Variants in MMP9 observed in about 807,000 individuals in gnomAD.
MMP9 encodes matrix metallopeptidase 9, also known as matrix metalloproteinase-9.
A neutral mutation model predicts 76.4 loss-of-function variants in MMP9; 73 were observed. The ratio of observed to expected loss-of-function variants is 0.96; its 90% CI spans 0.79 to 1.16. The LOEUF (loss-of-function observed/expected upper bound fraction) is 1.16, where lower values mean the gene tolerates loss of function less well. Ranked by LOEUF, MMP9 falls within the 50% of genes most tolerant of loss-of-function variation. MMP9 has a pLI of 0.00. For missense variants in MMP9, 943 were observed against 973.0 expected, an observed-to-expected ratio of 0.97 and a Z score of 0.41; for synonymous variants, 412 against 408.4, an observed-to-expected ratio of 1.01 and a Z score of -0.11.
Position 46,013,098 on chromosome 20 carries a change from G to A in MMP9, c.1331-157G>A, listed in dbSNP as rs959558355. ...AGAGGATGTCGCTTAAAACGAAAAAGAAGAAGAAGAAAGTCCTGTGGTTTG... is the reference window on the plus strand; with the variant it reads ...AGAGGATGTCGCTTAAAACGAAAAAAAAGAAGAAGAAAGTCCTGTGGTTTG... On this transcript the variant is annotated intron_variant, in intron 8 of 12. Transcript: ENST00000372330. The surrounding 1 kb of genome is among the most constrained non-coding windows in gnomAD (Gnocchi z 4.5). Among the ~76,000 whole-genome samples, 1 of 145,476 alleles carries A rather than the reference G, an allele frequency of 6.9e-6. No homozygotes were observed. The highest frequency in any genetic ancestry group is 6.8e-5 in the Admixed American group (1 of 14,714).
Position 46,010,029 on chromosome 20 carries a change from T to TC in MMP9, c.305dup (p.Asp103ArgfsTer9), listed in dbSNP as rs1396858602. 4 of 1,550,644 alleles carry TC rather than the reference T, an allele frequency of 2.6e-6. No homozygotes were observed. The highest frequency in any genetic ancestry group is 3.5e-6 in the Non-Finnish European group (4 of 1,146,636). On this transcript the variant is annotated frameshift_variant, in exon 2 of 13. Coordinates refer to ENST00000372330, the MANE Select transcript of MMP9 (RefSeq NM_004994.3). LOFTEE classifies it high-confidence loss of function. ...GCCATGCGAACCCCACGGTGCGGGG[T>TC]CCCAGACCTGGGCAGATTCCAAACC...
At chr20:46,010,126 GT>G in intron 2 of MMP9, 28 bp downstream of exon 2, 4 of 1,501,888 alleles carry the variant, frequency 2.7e-6, no homozygotes, top group Non-Finnish European at 2.7e-6. Context: ...GGGCAGCGGG[GT>G]GGGGCGGGGA....
Position 46,014,242 on chromosome 20 carries a change from G to T in MMP9, c.1869G>T (p.Lys623Asn), listed in dbSNP as rs2084305034. ...GGGCCCTCCGGAGTGGCAGGGGGAA[G>T]ATGCTGCTGTTCAGCGGGCGGCGCC... Reference protein sequence around the residue: ...VTGALRSGRGKMLLFSGRRLW... With the variant: ...VTGALRSGRGNMLLFSGRRLW... The change falls in exon 11 of 13, where the codon AAG becomes AAT. Residue 623 changes from lysine to asparagine, a missense_variant. Coordinates refer to ENST00000372330, the MANE Select transcript of MMP9 (RefSeq NM_004994.3). 2.0e-6 allele frequency: 3 copies of T among 1,531,276 alleles called. No homozygotes were observed. In the South Asian group the frequency reaches 3.6e-5, roughly 18 times the overall value. The allele number at this position is 1,531,276 out of a possible 1,614,324, so 94.9% of individuals were successfully genotyped here. A position where few individuals can be genotyped will look rare whatever the true frequency, so the allele number is the denominator to read the frequency against.
In MMP9 at chr20:46,016,285, C is replaced by T. The variant is rs771094559; in HGVS notation, c.2041C>T (p.Arg681Cys). Residue 681 changes from arginine to cysteine, a missense_variant, in exon 13 of 13, where the codon CGC (arginine) becomes TGC (cysteine). Arg to Cys is a radical substitution (Grantham distance 180, BLOSUM62 -3). Transcript: ENST00000372330. ...TTTCTGCCAGGACCGCTTCTACTGG[C>T]GCGTGAGTTCCCGGAGTGAGTTGAA... is the stretch of plus-strand genomic sequence containing the variant. ...AYFCQDRFYWRVSSRSELNQV... is the reference protein window; with the variant it reads ...AYFCQDRFYWCVSSRSELNQV... The T allele has an allele frequency of 1.5e-5, 25 of 1,614,110 alleles. No individual in the cohort carries two copies. The highest frequency in any genetic ancestry group is 1.6e-4 in the Middle Eastern group (1 of 6,084).
intron 1 of MMP9, 41 bp from the exon 2 acceptor site, chr20:46,009,824 AG>A: frequency 6.6e-7 from 1 of 1,522,700 alleles, no homozygotes. Context: ...GGGCAGAGAA[AG>A]GGGTCAGAGA....
chr20:46,009,860 C>A lies in MMP9; in HGVS notation c.139-6C>A. 2 of 1,550,576 alleles carry A rather than the reference C, an allele frequency of 1.3e-6. No homozygotes were observed. Among genetic ancestry groups the A allele is most frequent in the Non-Finnish European group, 8.7e-7 (1 of 1,145,892 alleles). On this transcript the variant is annotated splice_region_variant and splice_polypyrimidine_tract_variant and intron_variant, in intron 1 of 12. Coordinates refer to ENST00000372330, the MANE Select transcript of MMP9 (RefSeq NM_004994.3). ...ATCTGGCATGTGTGTGTCCCTTCATCCACAGGAATACCTGTACCGCTATGG... is the reference window on the plus strand; with the variant it reads ...ATCTGGCATGTGTGTGTCCCTTCATACACAGGAATACCTGTACCGCTATGG...
rs1555856969 is a variant in MMP9 at position 46,010,333 on chromosome 20, A to AACAAAAAAAACAAAAAAAAC, written c.372-149_372-148insCAAAAAAAACAAAAAAAACA. 3 of 827,552 alleles carry AACAAAAAAAACAAAAAAAAC rather than the reference A, an allele frequency of 3.6e-6. 1 individual carries two copies. The African/African-American group carries it at 6.6e-5, about 18-fold the overall frequency. The allele number at this position is 827,552 out of a possible 1,614,324, so 51.3% of individuals were successfully genotyped here. A position where few individuals can be genotyped will look rare whatever the true frequency, so the allele number is the denominator to read the frequency against. The stretch of plus-strand genomic sequence containing the variant: ...GGGTCTAAGTAGACAAAAAAAAAAA[A>AACAAAAAAAACAAAAAAAAC]AAAAAAAACAGTCTGGAAGCAATTT... On this transcript the variant is annotated intron_variant, in intron 2 of 12. Coordinates refer to ENST00000372330, the MANE Select transcript of MMP9 (RefSeq NM_004994.3).
Position 46,013,429 on chromosome 20 carries a change from C to T in MMP9, c.1505C>T (p.Ser502Phe). The T allele has an allele frequency of 6.2e-7, 1 of 1,614,028 alleles. No individual in the cohort carries two copies. Among genetic ancestry groups the T allele is most frequent in the Non-Finnish European group, 8.5e-7 (1 of 1,179,946 alleles). ...ACAGGTCCCCCCACTGCTGGCCCTT[C>T]TACGGCCACTACTGTGCCTTTGAGT... ...GPTGPPTAGPSTATTVPLSPV... is the reference protein window; with the variant it reads ...GPTGPPTAGPFTATTVPLSPV... Residue 502 changes from serine (S) to phenylalanine (F), a missense_variant, in exon 9 of 13, where the codon TCT (serine) becomes TTT (phenylalanine). Coordinates refer to ENST00000372330, the MANE Select transcript of MMP9 (RefSeq NM_004994.3). The surrounding 1 kb of genome is among the most constrained non-coding windows in gnomAD (Gnocchi z 4.5).
chr20:46,010,321 C>CGAAAAAAAAAAA (rs2084268032), intron 2 of MMP9, among the ~76,000 whole-genome samples, 162 bp from the exon 3 acceptor site: 1 of 62,504 alleles, frequency 1.6e-5, no homozygotes, highest in Non-Finnish European at 2.8e-5. Context: ...TCTAAGTAGA[C>CGAAAAAAAAAAA]AAAAAAAAAA....
chr20:46,016,388 C>T lies in MMP9; in HGVS notation c.*20C>T. 6.3e-7 allele frequency: 1 copy of T among 1,599,406 alleles called. No individual in the cohort carries two copies. The highest frequency in any genetic ancestry group is 8.6e-7 in the Non-Finnish European group (1 of 1,166,676). On this transcript the variant is annotated 3_prime_UTR_variant, in exon 13 of 13. Coordinates refer to ENST00000372330, the MANE Select transcript of MMP9 (RefSeq NM_004994.3). ...GACTAGGGCTCCCGTCCTGCTTTGG[C>T]AGTGCCATGTAAATCCCCACTGGGA...
At position 46,010,487 on chromosome 20, in the gene MMP9, C is replaced by CA; in HGVS notation, c.380dup (p.Asn127LysfsTer12). 1 of 1,614,116 alleles carries CA rather than the reference C, an allele frequency of 6.2e-7. No individual in the cohort carries two copies. The highest frequency in any genetic ancestry group is 1.1e-5 in the South Asian group (1 of 91,082). On this transcript the variant is annotated frameshift_variant, in exon 3 of 13. Coordinates refer to ENST00000372330, the MANE Select transcript of MMP9 (RefSeq NM_004994.3). LOFTEE classifies it high-confidence loss of function. Reference sequence around the variant, plus strand: ...CCTCTGGCTCTTACGCTACAGGATCCAAAACTACTCGGAAGACTTGCCGCG... The same window carrying CA: ...CCTCTGGCTCTTACGCTACAGGATCCAAAAACTACTCGGAAGACTTGCCGCG...
At chr20:46,012,100 A>G (rs1187310652) in intron 6 of MMP9, 37 bp from the exon 7 acceptor site, 1 of 1,610,182 alleles carries the variant, frequency 6.2e-7, no homozygotes, top group East Asian at 2.2e-5. Flanking sequence ...TATTGGACTC[A>G]TCCATCTGGC....
chr20:46,010,500 A>T lies in MMP9; in HGVS notation c.389A>T (p.Glu130Val). ...NITYWIQNYSEDLPRAVIDDA... is the reference protein window; with the variant it reads ...NITYWIQNYSVDLPRAVIDDA... ...CGCTACAGGATCCAAAACTACTCGG[A>T]AGACTTGCCGCGGGCGGTGATTGAC... Residue 130 changes from glutamate (E) to valine (V), a missense_variant, in exon 3 of 13, where the codon GAA becomes GTA. By Grantham distance (121) the Glu-to-Val change is moderately radical. Coordinates refer to ENST00000372330, the MANE Select transcript of MMP9 (RefSeq NM_004994.3). The T allele has an allele frequency of 6.2e-7, 1 of 1,614,134 alleles. No homozygotes were observed. The highest frequency in any genetic ancestry group is 8.5e-7 in the Non-Finnish European group (1 of 1,180,036).
chr20:46,015,838 T>C (rs528302871), intron 12 of MMP9, among the ~76,000 whole-genome samples: 39 of 152,344 alleles, frequency 2.6e-4, no homozygotes, highest in African/African-American at 9.1e-4. Context: ...ACCAAGATAA[T>C]TGAGATCATG....
At position 46,013,921 on chromosome 20, in the gene MMP9, G is replaced by T; in HGVS notation, c.1750+125G>T. ...AAAAATACGCCCCCTGGCGGACGCAGTTTAGCAAACGTAGGGGCGGCTGAG... is the reference window on the plus strand; with the variant it reads ...AAAAATACGCCCCCTGGCGGACGCATTTTAGCAAACGTAGGGGCGGCTGAG... On this transcript the variant is annotated intron_variant, in intron 10 of 12. Coordinates refer to ENST00000372330, the MANE Select transcript of MMP9 (RefSeq NM_004994.3). This position sits in a 1 kb window ranked among gnomAD's most constrained non-coding sequence, Gnocchi z 4.5. The T allele has an allele frequency of 6.8e-7, 1 of 1,473,014 alleles. No individual in the cohort carries two copies. 91.2% of individuals were successfully genotyped at this position (1,473,014 alleles called of 1,614,324 possible).
chr20:46,015,453 CTTTTTTTTTTT>C (rs199508388), intron 12 of MMP9, among the ~76,000 whole-genome samples: 5 of 125,594 alleles, frequency 4.0e-5, no homozygotes, highest in African/African-American at 1.2e-4. Flanking sequence ...TTTCTTTTTT[CTTTTTTTTTTT>C]TTTTGAGATG....
At position 46,010,336 on chromosome 20, in the gene MMP9, A is replaced by C. The variant is rs1340794330; in HGVS notation, c.372-147A>C. Reference sequence around the variant, plus strand: ...TCTAAGTAGACAAAAAAAAAAAAAAAAAAAACAGTCTGGAAGCAATTTATA... The same window carrying C: ...TCTAAGTAGACAAAAAAAAAAAAAACAAAAACAGTCTGGAAGCAATTTATA... On this transcript the variant is annotated intron_variant, in intron 2 of 12. Coordinates refer to ENST00000372330, the MANE Select transcript of MMP9 (RefSeq NM_004994.3). 3.1e-5 allele frequency: 28 copies of C among 889,762 alleles called. No individual in the cohort carries two copies. The Middle Eastern group carries it at 7.9e-4, about 25-fold the overall frequency. The allele number at this position is 889,762 out of a possible 1,614,324, so 55.1% of individuals were successfully genotyped here. A position where few individuals can be genotyped will look rare whatever the true frequency, so the allele number is the denominator to read the frequency against.
At chr20:46,010,767 T>G in intron 3 of MMP9, 136 bp downstream of exon 3, 3 of 1,547,230 alleles carry the variant, frequency 1.9e-6, no homozygotes, top group Middle Eastern at 1.8e-4. Context: ...CGGCCCCTCC[T>G]GCCAGACAGT....
At chr20:46,012,018 C>A in intron 6 of MMP9, 119 bp from the exon 7 acceptor site, 2 of 1,354,332 alleles carry the variant, frequency 1.5e-6, no homozygotes, top group South Asian at 1.3e-5. Context: ...AGCCTCTTCT[C>A]AGGAGTGCTC....
Sources: gnomAD v4.1 joint callset for allele counts (sites outside exome capture counted in the v4.1 genomes callset) on GRCh38, gnomAD v4.1.1 for gene constraint, Gnocchi (gnomAD v3.1) non-coding constraint, MANE v1.5 for transcripts, NCBI Gene and HGNC (gene_info 2026-07-23, HGNC 2026-07-21) for gene names.